The following ZMYND8 variants were observed in gnomAD, a reference collection of about 807,000 sequenced individuals.
ZMYND8 encodes the protein zinc finger MYND-type containing 8, also known as MYND-type zinc finger-containing chromatin reader ZMYND8.
In ZMYND8, 37 loss-of-function variants were observed where a neutral mutation model predicts 140.8. The ratio of observed to expected loss-of-function variants is 0.26; its 90% CI spans 0.20 to 0.35. The LOEUF (loss-of-function observed/expected upper bound fraction) is 0.35. Among genes scored for constraint, ZMYND8 ranks in the 10% least tolerant of loss-of-function variants. ZMYND8 has a pLI of 1.00. For synonymous variants in ZMYND8, 592 were observed against 597.1 expected, an observed-to-expected ratio of 0.99 and a Z score of 0.12; for missense variants, 1,068 against 1,570.0, an observed-to-expected ratio of 0.68 and a Z score of 5.40.
rs2076437846 is a variant in ZMYND8 at position 47,279,100 on chromosome 20, G to A, written c.999-2305C>T. On this transcript the variant is annotated intron_variant, in intron 10 of 22. Coordinates refer to ENST00000471951, the MANE Select transcript of ZMYND8 (RefSeq NM_001281775.3). ...CACACACTTCTGTCCGGTATCTAAG[G>A]CGCTCACTGTTCCCTTCCCCCAACT... Among the ~76,000 whole-genome samples the A allele has an allele frequency of 2.6e-5, 4 of 152,234 alleles. No individual in the cohort carries two copies. In the South Asian group the frequency reaches 8.3e-4, roughly 32 times the overall value.
intron 2 of ZMYND8, among the ~76,000 whole-genome samples, chr20:47,343,322 T>C (rs2082063205): frequency 6.6e-6 from 1 of 152,046 alleles, no homozygotes; most frequent in African/African-American, 2.4e-5. Context: ...ATGGAGTCTG[T>C]CAAGGGGACA....
chr20:47,238,752 C>G lies in ZMYND8; in HGVS notation c.2665+6G>C, dbSNP rs1018708544. On this transcript the variant is annotated splice_donor_region_variant and intron_variant, in intron 15 of 22. Coordinates refer to ENST00000471951, the MANE Select transcript of ZMYND8 (RefSeq NM_001281775.3). ...GCCACGGAGAACAGAAGGGGAGGCT[C>G]GGTACCTTTCACAGCCTGTCTGGTC... The G allele has an allele frequency of 6.2e-7, 1 of 1,607,078 alleles. No homozygotes were observed. Among genetic ancestry groups the G allele is most frequent in the African/African-American group, 1.3e-5 (1 of 74,872 alleles).
intron 1 of ZMYND8, chr20:47,348,234 C>T: frequency 7.9e-6 from 3 of 377,860 alleles, no homozygotes; most frequent in South Asian, 7.4e-5. Flanking sequence ...CCAATGAGAA[C>T]CCAGCCTTCA....
At chr20:47,300,698 T>C (rs1258449406) in intron 3 of ZMYND8, among the ~76,000 whole-genome samples, 1 of 152,192 alleles carries the variant, frequency 6.6e-6, no homozygotes. Context: ...CATATCTTGT[T>C]CCCAGCTTTT....
chr20:47,238,424 C>T, intron 15 of ZMYND8: 1 of 393,602 alleles, frequency 2.5e-6, no homozygotes, highest in African/African-American at 2.0e-5. Flanking sequence ...GCTTTTACAA[C>T]GGTTGATACT....
intron 11 of ZMYND8, among the ~76,000 whole-genome samples, chr20:47,267,155 C>G (rs891945014): frequency 2.0e-5 from 3 of 151,732 alleles, no homozygotes; most frequent in Non-Finnish European, 4.4e-5. Flanking sequence ...GCCCCATATT[C>G]TTTCATTTCA....
At chr20:47,218,562 CTTAAA>C (rs781140928) in intron 21 of ZMYND8, among the ~76,000 whole-genome samples, 9 of 152,068 alleles carry the variant, frequency 5.9e-5, no homozygotes, top group South Asian at 2.1e-4. Context: ...TAATGAAAAC[CTTAAA>C]TTAAAAGTTC....
In ZMYND8 at chr20:47,294,750, G is replaced by A; in HGVS notation, c.483C>T (p.Thr161=). Residue 161 remains threonine (T), a synonymous_variant, in exon 5 of 23, where the codon ACC becomes ACT. Coordinates refer to ENST00000471951, the MANE Select transcript of ZMYND8 (RefSeq NM_001281775.3). ...TGAGCATTGTCATGGCTTTACTCTGGGTCTCGATGCATTCTGCTACTGTAA... is the reference window on the plus strand; with the variant it reads ...TGAGCATTGTCATGGCTTTACTCTGAGTCTCGATGCATTCTGCTACTGTAA... The part of the protein sequence containing the change: ...EKITVAECIE[T]QSKAMTMLTI... The A allele has an allele frequency of 6.2e-7, 1 of 1,614,050 alleles. No homozygotes were observed. The highest frequency in any genetic ancestry group is 8.5e-7 in the Non-Finnish European group (1 of 1,180,000).
At chr20:47,222,868 G>C (rs769775370) in intron 19 of ZMYND8, among the ~76,000 whole-genome samples, 1 of 152,256 alleles carries the variant, frequency 6.6e-6, no homozygotes, top group African/African-American at 2.4e-5. Flanking sequence ...TTGGCAGACA[G>C]CCACATCCAT....
intron 18 of ZMYND8, among the ~76,000 whole-genome samples, chr20:47,226,276 T>C (rs2037699847): frequency 6.6e-6 from 1 of 152,100 alleles, no homozygotes; most frequent in Non-Finnish European, 1.5e-5. Context: ...GTGACTTAGA[T>C]GCTGACCACA....
chr20:47,249,461 T>A, intron 12 of ZMYND8, 22 bp from the exon 13 acceptor site: 1 of 1,612,672 alleles, frequency 6.2e-7, no homozygotes, highest in Non-Finnish European at 8.5e-7. Flanking sequence ...CATCACACCC[T>A]CGTAAGATCA....
chr20:47,255,652 T>G (rs2074564537), intron 12 of ZMYND8, among the ~76,000 whole-genome samples: 1 of 137,272 alleles, frequency 7.3e-6, no homozygotes, highest in South Asian at 2.4e-4. Flanking sequence ...ACCATATACA[T>G]ATACTCAGTA....
intron 12 of ZMYND8, among the ~76,000 whole-genome samples, chr20:47,258,491 C>T (rs1601359301): frequency 6.6e-6 from 1 of 152,364 alleles, no homozygotes; most frequent in Non-Finnish European, 1.5e-5. Flanking sequence ...GTAACCACCA[C>T]CACAACCAAA....
chr20:47,294,881 T>G, intron 4 of ZMYND8, 102 bp from the exon 5 acceptor site: 1 of 1,066,066 alleles, frequency 9.4e-7, no homozygotes, highest in Non-Finnish European at 1.4e-6. Flanking sequence ...CAAAAAGCAA[T>G]TCTCATCCCA....
intron 18 of ZMYND8, among the ~76,000 whole-genome samples, chr20:47,225,568 GGA>G (rs2037567968): frequency 2.9e-4 from 1 of 3,484 alleles, no homozygotes; most frequent in Non-Finnish European, 7.2e-4. Flanking sequence ...GGAGGGGAAG[GGA>G]GGGGAAGGGA....
At chr20:47,332,030 C>T (rs1384956241) in intron 2 of ZMYND8, among the ~76,000 whole-genome samples, 1 of 151,940 alleles carries the variant, frequency 6.6e-6, no homozygotes, top group African/African-American at 2.4e-5. Context: ...GGTGAAACCC[C>T]GTCTCTACTA....
At chr20:47,307,515 G>A (rs1344145691) in intron 3 of ZMYND8, among the ~76,000 whole-genome samples, 1 of 152,124 alleles carries the variant, frequency 6.6e-6, no homozygotes, top group Non-Finnish European at 1.5e-5. Context: ...TACTCAGGAG[G>A]CTGAGGCAGA....
chr20:47,276,452 C>T lies in ZMYND8; in HGVS notation c.1342G>A (p.Asp448Asn). 6.2e-7 allele frequency: 1 copy of T among 1,614,160 alleles called. No individual in the cohort carries two copies. Among genetic ancestry groups the T allele is most frequent in the Non-Finnish European group, 8.5e-7 (1 of 1,180,030 alleles). ...GTGCTCATGGGGGAGCGCGGCATAT[C>T]CGACAAGGAAATCCGGCGGCCTGTG... ...GGTGRRISLS[D>N]MPRSPMSTNS... Residue 448 changes from aspartate (D) to asparagine (N), a missense_variant, in exon 11 of 23, where the codon GAT (aspartate) becomes AAT (asparagine). This residue lies in a region of ZMYND8 where 173 missense variants were observed against 223.3 expected (regional missense o/e 0.77). Coordinates refer to ENST00000471951, the MANE Select transcript of ZMYND8 (RefSeq NM_001281775.3).
At chr20:47,315,085 A>G (rs1287123220) in intron 2 of ZMYND8, among the ~76,000 whole-genome samples, 3 of 152,284 alleles carry the variant, frequency 2.0e-5, no homozygotes, top group Non-Finnish European at 4.4e-5. Context: ...GTCCCTCTTC[A>G]ACATTACTTA....
Sources: allele counts gnomAD v4.1 joint callset (sites outside exome capture counted in the v4.1 genomes callset), GRCh38; gene constraint gnomAD v4.1.1; regional missense constraint gnomAD v4.1.1; transcripts MANE v1.5; gene names NCBI Gene and HGNC (gene_info 2026-07-23, HGNC 2026-07-21).